PRUNE2: variants seen among roughly 807,000 people sequenced by gnomAD.
PRUNE2 encodes protein prune homolog 2.
A neutral mutation model predicts 252.0 loss-of-function variants in PRUNE2; 164 were observed. The ratio of observed to expected loss-of-function variants is 0.65; its 90% CI spans 0.57 to 0.74. PRUNE2 has a LOEUF of 0.74. Ranked by LOEUF, PRUNE2 falls within the 30% of genes least tolerant of loss-of-function variation. PRUNE2 has a pLI of 0.00. For synonymous variants in PRUNE2, 1,292 were observed against 1,350.2 expected, an observed-to-expected ratio of 0.96 and a Z score of 0.94; for missense variants, 3,495 against 3,711.0, an observed-to-expected ratio of 0.94 and a Z score of 1.51.
chr9:76,891,595 C>T (rs1210966812), intron 1 of PRUNE2, among the ~76,000 whole-genome samples: 1 of 152,220 alleles, frequency 6.6e-6, no homozygotes, highest in African/African-American at 2.4e-5. Flanking sequence ...CAAAGAAAAG[C>T]GGCATCAGGA....
At chr9:76,754,902 G>T (rs2050971006) in intron 6 of PRUNE2, among the ~76,000 whole-genome samples, 1 of 138,830 alleles carries the variant, frequency 7.2e-6, no homozygotes, top group Non-Finnish European at 1.5e-5. Context: ...GGAGGCGGAG[G>T]TTGCAGTGAG....
chr9:76,796,101 A>G (rs1044928241), intron 6 of PRUNE2, among the ~76,000 whole-genome samples: 1 of 152,206 alleles, frequency 6.6e-6, no homozygotes, highest in Non-Finnish European at 1.5e-5. Context: ...GGTAAATAAA[A>G]TGCTTTTCTT....
intron 6 of PRUNE2, chr9:76,748,642 A>G (rs768729174): frequency 2.0e-5 from 3 of 152,272 alleles, no homozygotes; most frequent in Non-Finnish European, 2.9e-5. Context: ...CACATAAATG[A>G]TATCTCCATA....
At chr9:76,837,836 A>G (rs1485097642) in intron 4 of PRUNE2, among the ~76,000 whole-genome samples, 53 of 150,058 alleles carry the variant, frequency 3.5e-4, no homozygotes, top group Non-Finnish European at 6.3e-4. Flanking sequence ...CAGTGGCGCA[A>G]TCTCGGCTCA....
At chr9:76,781,136 C>A (rs984392061) in intron 6 of PRUNE2, among the ~76,000 whole-genome samples, 1 of 152,172 alleles carries the variant, frequency 6.6e-6, no homozygotes, top group Non-Finnish European at 1.5e-5. Flanking sequence ...TACTTCAAAC[C>A]ATGGTCACCT....
intron 4 of PRUNE2, among the ~76,000 whole-genome samples, chr9:76,829,637 T>G (rs2058553615): frequency 6.6e-6 from 1 of 152,282 alleles, no homozygotes; most frequent in Non-Finnish European, 1.5e-5. Context: ...ATATTTACTA[T>G]CTGGACCTAT....
intron 1 of PRUNE2, among the ~76,000 whole-genome samples, chr9:76,867,888 T>C (rs1029120588): frequency 1.3e-5 from 2 of 152,112 alleles, no homozygotes; most frequent in Admixed American, 1.3e-4. Context: ...CTTTTTTCTC[T>C]TAATCTTGAC....
At chr9:76,865,828 C>G (rs1053361065) in intron 1 of PRUNE2, among the ~76,000 whole-genome samples, 2 of 151,364 alleles carry the variant, frequency 1.3e-5, no homozygotes, top group African/African-American at 4.9e-5. Context: ...CACACACACA[C>G]ACACACACAC....
intron 1 of PRUNE2, among the ~76,000 whole-genome samples, chr9:76,863,604 A>G (rs1231419052): frequency 2.0e-5 from 3 of 152,222 alleles, no homozygotes; most frequent in Non-Finnish European, 2.9e-5. Context: ...TGCAATAAGC[A>G]TGCATTATTT....
chr9:76,875,064 C>A (rs973967684), intron 1 of PRUNE2, among the ~76,000 whole-genome samples: 7 of 152,090 alleles, frequency 4.6e-5, no homozygotes, highest in African/African-American at 1.4e-4. Flanking sequence ...GTGTTTCAAC[C>A]ATACAGACAG....
intron 1 of PRUNE2, among the ~76,000 whole-genome samples, chr9:76,881,742 C>T (rs1378141336): frequency 2.6e-5 from 4 of 152,200 alleles, no homozygotes; most frequent in South Asian, 2.1e-4. Flanking sequence ...CTGCCTCAGC[C>T]TCCCGAGTAG....
chr9:76,791,738 T>C (rs2055569327), intron 6 of PRUNE2, among the ~76,000 whole-genome samples: 1 of 152,120 alleles, frequency 6.6e-6, no homozygotes, highest in Non-Finnish European at 1.5e-5. Context: ...TACAACTGCA[T>C]AGCAGAGAAA....
chr9:76,740,307 G>A (rs1306987472), intron 6 of PRUNE2: 3 of 152,100 alleles, frequency 2.0e-5, no homozygotes, highest in Admixed American at 6.6e-5. Context: ...AAATTGGCCA[G>A]GCATGGTGGT....
chr9:76,887,251 C>T (rs1291773298), intron 1 of PRUNE2, among the ~76,000 whole-genome samples: 1 of 152,056 alleles, frequency 6.6e-6, no homozygotes, highest in East Asian at 1.9e-4. Flanking sequence ...CTGCTCAACC[C>T]TCATCTGAAG....
chr9:76,788,317 C>A, intron 6 of PRUNE2: 1 of 651,758 alleles, frequency 1.5e-6, no homozygotes, highest in South Asian at 1.8e-5. Flanking sequence ...CTTACCGTGG[C>A]TAGAGTTACC....
At chr9:76,837,494 C>CT (rs911862584) in intron 4 of PRUNE2, among the ~76,000 whole-genome samples, 40 of 135,486 alleles carry the variant, frequency 3.0e-4, no homozygotes, top group Middle Eastern at 4.0e-3. Context: ...AAAGCAATCC[C>CT]ATACACTGAT....
intron 6 of PRUNE2, among the ~76,000 whole-genome samples, chr9:76,789,492 C>T (rs767213093): frequency 2.0e-5 from 3 of 152,178 alleles, no homozygotes; most frequent in Non-Finnish European, 4.4e-5. Context: ...TAGGGGGCTC[C>T]AATGTGGAGG....
intron 1 of PRUNE2, among the ~76,000 whole-genome samples, chr9:76,876,951 C>T (rs1221226514): frequency 2.0e-5 from 3 of 152,166 alleles, no homozygotes; most frequent in East Asian, 3.8e-4. Context: ...ACACATAAAG[C>T]TTTCTGGAAA....
chr9:76,812,520 T>C (rs545288816), intron 6 of PRUNE2, among the ~76,000 whole-genome samples: 1 of 152,064 alleles, frequency 6.6e-6, no homozygotes, highest in African/African-American at 2.4e-5. Flanking sequence ...TTTTGCATTT[T>C]AAAAAAAACT....
Sources: gnomAD v4.1 joint callset for allele counts (sites outside exome capture counted in the v4.1 genomes callset) on GRCh38, gnomAD v4.1.1 for gene constraint, MANE v1.5 for transcripts, NCBI Gene and HGNC (gene_info 2026-07-23, HGNC 2026-07-21) for gene names.